Variants in MAPK14 observed in about 807,000 individuals in gnomAD.
MAPK14 encodes CSAID-binding protein.
In MAPK14, 16 loss-of-function variants were observed where a neutral mutation model predicts 49.6. The observed-to-expected ratio is 0.32, with a 90% confidence interval of 0.22 to 0.49. The LOEUF (loss-of-function observed/expected upper bound fraction) is 0.49. Ranked by LOEUF, MAPK14 falls within the 20% of genes least tolerant of loss-of-function variation. The pLI is 0.99. For missense variants in MAPK14, 200 were observed against 441.2 expected, an observed-to-expected ratio of 0.45 and a Z score of 4.90; for synonymous variants, 142 against 158.0, an observed-to-expected ratio of 0.90 and a Z score of 0.76.
intron 2 of MAPK14, among the ~76,000 whole-genome samples, chr6:36,055,760 A>C (rs1410196810): frequency 6.6e-6 from 1 of 151,670 alleles, no homozygotes; most frequent in Non-Finnish European, 1.5e-5. Flanking sequence ...GGCAAAAACC[A>C]GTCTCTATTA....
intron 8 of MAPK14, among the ~76,000 whole-genome samples, chr6:36,081,049 G>C (rs1043989508): frequency 6.6e-6 from 1 of 151,818 alleles, no homozygotes; most frequent in Non-Finnish European, 1.5e-5. Context: ...GTTCAGTGGT[G>C]GTTCTTTATA....
At chr6:36,074,310 A>G (rs926242179) in intron 6 of MAPK14, among the ~76,000 whole-genome samples, 2 of 152,190 alleles carry the variant, frequency 1.3e-5, no homozygotes, top group Non-Finnish European at 2.9e-5. Flanking sequence ...ATAAAGTTAA[A>G]TTATAAATTT....
chr6:36,088,737 AT>A lies in MAPK14; in HGVS notation c.683-7249del, dbSNP rs1404655542. ...ACTCCGTCTCAAAAAAAAAAAAAAA[AT>A]ATTGGCAAAGGACATGAACAAACAC... On this transcript the variant is annotated intron_variant, in intron 8 of 11. Coordinates refer to ENST00000229794, the MANE Select transcript of MAPK14 (RefSeq NM_139012.3). Among the ~76,000 whole-genome samples, 11 of 152,106 alleles carry A rather than the reference AT, an allele frequency of 7.2e-5. No homozygotes were observed. The South Asian group carries it at 1.7e-3, about 23-fold the overall frequency.
intron 1 of MAPK14, among the ~76,000 whole-genome samples, chr6:36,031,942 TTTTA>T (rs967656323): frequency 6.6e-6 from 1 of 152,028 alleles, no homozygotes; most frequent in African/African-American, 2.4e-5. Context: ...CCGAATTTTA[TTTTA>T]TTTATTTATT....
chr6:36,076,615 T>G lies in MAPK14; in HGVS notation c.682+7T>G. 4 of 1,611,298 alleles carry G rather than the reference T, an allele frequency of 2.5e-6. No homozygotes were observed. The highest frequency in any genetic ancestry group is 2.5e-6 in the Non-Finnish European group (3 of 1,177,526). On this transcript the variant is annotated splice_region_variant and intron_variant, in intron 8 of 11. Coordinates refer to ENST00000229794, the MANE Select transcript of MAPK14 (RefSeq NM_139012.3). Reference sequence around the variant, plus strand: ...TTGTTTCCTGGTACAGACCGTATCCTTTAAAAAGTTTTGGATTCTTGTTTC... The same window carrying G: ...TTGTTTCCTGGTACAGACCGTATCCGTTAAAAAGTTTTGGATTCTTGTTTC...
chr6:36,075,841 C>A lies in MAPK14; in HGVS notation c.496-7C>A. 6.2e-7 allele frequency: 1 copy of A among 1,613,602 alleles called. No homozygotes were observed. Among genetic ancestry groups the A allele is most frequent in the Admixed American group, 1.7e-5 (1 of 59,994 alleles). On this transcript the variant is annotated splice_region_variant and splice_polypyrimidine_tract_variant and intron_variant, in intron 6 of 11. Coordinates refer to ENST00000229794, the MANE Select transcript of MAPK14 (RefSeq NM_139012.3). ...AGCAGTTTGTCTGTTCCTCTTCTGC[C>A]CTTTAGATTCTGGATTTTGGACTGG...
intron 8 of MAPK14, among the ~76,000 whole-genome samples, chr6:36,094,389 T>C (rs1765367318): frequency 1.3e-5 from 2 of 152,236 alleles, no homozygotes; most frequent in Non-Finnish European, 2.9e-5. Flanking sequence ...GAAACACCTA[T>C]AGACTGTACA....
At chr6:36,099,282 G>C (rs1562150994) in intron 9 of MAPK14, among the ~76,000 whole-genome samples, 2 of 152,230 alleles carry the variant, frequency 1.3e-5, no homozygotes, top group Non-Finnish European at 2.9e-5. Flanking sequence ...TCTGCTCTTA[G>C]TAGGAACATG....
At chr6:36,060,881 G>A (rs1323721134) in intron 3 of MAPK14, among the ~76,000 whole-genome samples, 1 of 152,160 alleles carries the variant, frequency 6.6e-6, no homozygotes, top group African/African-American at 2.4e-5. Context: ...GATCTCCTTG[G>A]CTACATTAAC....
chr6:36,033,274 C>T lies in MAPK14; in HGVS notation c.116+5001C>T, dbSNP rs562373259. Among the ~76,000 whole-genome samples, 493 of 151,534 alleles carry T rather than the reference C, an allele frequency of 3.3e-3. 3 individuals carry two copies. Among genetic ancestry groups the T allele is most frequent in the Non-Finnish European group, 4.0e-3 (275 of 67,934 alleles). ...AGATTGTTTTAAGAAAGAGTTCATT[C>T]GAAGCTGGCTATAAAGTCATTTTAT... On this transcript the variant is annotated intron_variant, in intron 1 of 11. Transcript: ENST00000229794.
At chr6:36,037,999 C>T (rs1428819894) in intron 1 of MAPK14, among the ~76,000 whole-genome samples, 2 of 151,032 alleles carry the variant, frequency 1.3e-5, no homozygotes, top group East Asian at 1.9e-4. Context: ...CAGAGTGATA[C>T]CCTGTCTCCA....
chr6:36,078,600 T>C (rs1257819276), intron 8 of MAPK14, among the ~76,000 whole-genome samples: 1 of 152,254 alleles, frequency 6.6e-6, no homozygotes, highest in African/African-American at 2.4e-5. Context: ...CTGTGAGCTT[T>C]AGATAAACAA....
Position 36,109,157 on chromosome 6 carries a change from G to A in MAPK14, c.*710G>A, listed in dbSNP as rs3804452. The stretch of plus-strand genomic sequence containing the variant: ...CTGTTGGACAGCTGCTTGTGGGCCC[G>A]GAGTAATCAGGCAGCCTTCATAGGC... On this transcript the variant is annotated 3_prime_UTR_variant, in exon 12 of 12. Transcript: ENST00000229794. 13,326 of 152,862 alleles carry A rather than the reference G, an allele frequency of 0.087. 708 individuals carry two copies. Among genetic ancestry groups the A allele is most frequent in the Middle Eastern group, 0.12 (35 of 294 alleles). The allele number at this position is 152,862 out of a possible 1,614,324, so 9.5% of individuals were successfully genotyped here.
At chr6:36,042,884 C>G (rs1218078146) in intron 1 of MAPK14, among the ~76,000 whole-genome samples, 4 of 149,110 alleles carry the variant, frequency 2.7e-5, no homozygotes, top group Non-Finnish European at 5.9e-5. Context: ...CAGGCTGAGG[C>G]AGGTGAATTA....
At chr6:36,103,116 G>T (rs1032277178) in intron 10 of MAPK14, among the ~76,000 whole-genome samples, 1 of 151,998 alleles carries the variant, frequency 6.6e-6, no homozygotes, top group South Asian at 2.1e-4. Flanking sequence ...AGATCCTGTC[G>T]TCTTCCACAC....
At chr6:36,062,056 C>T (rs926955214) in intron 3 of MAPK14, among the ~76,000 whole-genome samples, 3 of 152,158 alleles carry the variant, frequency 2.0e-5, no homozygotes, top group African/African-American at 7.2e-5. Flanking sequence ...TGGCTCACTG[C>T]CACCTCTGCC....
intron 1 of MAPK14, among the ~76,000 whole-genome samples, chr6:36,036,941 A>T (rs990587629): frequency 3.3e-5 from 5 of 152,078 alleles, no homozygotes; most frequent in African/African-American, 4.8e-5. Context: ...GGGTTTCACC[A>T]TGTTGGCTAG....
intron 11 of MAPK14, 108 bp from the exon 12 acceptor site, chr6:36,108,272 C>A: frequency 1.2e-6 from 1 of 808,844 alleles, no homozygotes; most frequent in Non-Finnish European, 2.1e-6. Flanking sequence ...GCCCATCAAA[C>A]CACTACCTGG....
At chr6:36,079,561 C>T (rs545730459) in intron 8 of MAPK14, among the ~76,000 whole-genome samples, 81 of 152,272 alleles carry the variant, frequency 5.3e-4, no homozygotes, top group Middle Eastern at 3.4e-3. Context: ...TGATGGGCTG[C>T]ATCCAAAGCC....
Sources: allele counts gnomAD v4.1 joint callset (sites outside exome capture counted in the v4.1 genomes callset), GRCh38; gene constraint gnomAD v4.1.1; transcripts MANE v1.5; gene names NCBI Gene and HGNC (gene_info 2026-07-23, HGNC 2026-07-21).